CHRDL1: variants seen among roughly 807,000 people sequenced by gnomAD.
The protein encoded by CHRDL1 is chordin like 1.
In CHRDL1, 19 loss-of-function variants were observed where a neutral mutation model predicts 40.9. That is an observed-to-expected ratio of 0.46 (90% CI 0.32 to 0.68). CHRDL1 has a LOEUF of 0.68. Ranked by LOEUF, CHRDL1 falls within the 30% of genes least tolerant of loss-of-function variation. CHRDL1 has a pLI of 0.03. For missense variants in CHRDL1, 329 were observed against 352.1 expected (o/e 0.93, Z 0.53); for synonymous variants, 136 against 123.4 (o/e 1.10, Z -0.68).
chrX:110,686,202 A>G (rs974012717), intron 9 of CHRDL1, among the ~76,000 whole-genome samples: 2 of 111,501 alleles, frequency 1.8e-5, no homozygotes, highest in Non-Finnish European at 3.8e-5. Flanking sequence ...CGGCCACCAA[A>G]TGTTTTAATA....
intron 4 of CHRDL1, among the ~76,000 whole-genome samples, chrX:110,725,365 A>C (rs1416941417): frequency 1.8e-5 from 2 of 112,110 alleles, no homozygotes; most frequent in Non-Finnish European, 3.8e-5. Flanking sequence ...ACCTTTTGCA[A>C]TCAGATTTTG....
intron 11 of CHRDL1, among the ~76,000 whole-genome samples, chrX:110,677,999 AT>A (rs1569457859): frequency 9.0e-6 from 1 of 111,463 alleles, no homozygotes. Context: ...CGTCTCATTG[AT>A]TTAATATAGT....
intron 6 of CHRDL1, among the ~76,000 whole-genome samples, chrX:110,701,718 G>A (rs963846917): frequency 9.0e-6 from 1 of 111,398 alleles, no homozygotes; most frequent in Non-Finnish European, 1.9e-5. Flanking sequence ...GGAGGCTGAG[G>A]TAGAAGAACT....
At chrX:110,767,876 C>T (rs2089687151) in intron 2 of CHRDL1, among the ~76,000 whole-genome samples, 1 of 111,080 alleles carries the variant, frequency 9.0e-6, no homozygotes, top group African/African-American at 3.3e-5. Flanking sequence ...TTAGAAAAAA[C>T]AATTCTAAAA....
intron 4 of CHRDL1, among the ~76,000 whole-genome samples, chrX:110,756,267 G>A (rs1344013037): frequency 8.9e-6 from 1 of 111,928 alleles, no homozygotes. Context: ...AAATATAGAA[G>A]GAAAGTACAG....
intron 7 of CHRDL1, among the ~76,000 whole-genome samples, chrX:110,695,348 C>A (rs1466628658): frequency 1.8e-5 from 2 of 111,688 alleles, no homozygotes; most frequent in Non-Finnish European, 3.8e-5. Flanking sequence ...AGGTGTTCAT[C>A]AAATACTTGT....
chrX:110,740,525 A>G (rs950439809), intron 4 of CHRDL1, among the ~76,000 whole-genome samples: 3 of 112,602 alleles, frequency 2.7e-5, no homozygotes, highest in Non-Finnish European at 5.6e-5. Context: ...CCAACCTAAG[A>G]CAAAGAGGTA....
chrX:110,703,500 G>C (rs1419192488), intron 6 of CHRDL1, among the ~76,000 whole-genome samples: 1 of 111,791 alleles, frequency 8.9e-6, no homozygotes, highest in South Asian at 3.7e-4. Context: ...ATGCCCAAGA[G>C]TCAGTTAACA....
In CHRDL1 at chrX:110,679,368, G is replaced by C; in HGVS notation, c.1214C>G (p.Pro405Arg). The change falls in exon 11 of 12, where the codon CCT becomes CGT. Residue 405 changes from proline to arginine, a missense_variant. Transcript: ENST00000372042. ...KISKRMFEEL[P>R]HFKLVTRTTL... Reference sequence around the variant, plus strand: ...TGTTCTGGTCACCAGCTTGAAGTGAGGAAGCTCCTCAAACATCCTCTTGGA... The same window carrying C: ...TGTTCTGGTCACCAGCTTGAAGTGACGAAGCTCCTCAAACATCCTCTTGGA... The C allele has an allele frequency of 8.3e-7, 1 of 1,208,257 alleles. No homozygotes were observed. Among genetic ancestry groups the C allele is most frequent in the Middle Eastern group, 2.3e-4 (1 of 4,344 alleles).
chrX:110,675,563 C>T lies in CHRDL1; in HGVS notation c.*668G>A, dbSNP rs1195111173. 9.0e-6 allele frequency: 1 copy of T among 111,546 alleles called. No homozygotes were observed. Among genetic ancestry groups the T allele is most frequent in the African/African-American group, 3.3e-5 (1 of 30,715 alleles). 9.2% of individuals were successfully genotyped at this position (111,546 alleles called of 1,213,427 possible). ...CCTCTTGTTCACAGTTATTTACTCT[C>T]CTGGGCACAAAAACTTCCAAGCTAC... On this transcript the variant is annotated 3_prime_UTR_variant, in exon 12 of 12. Coordinates refer to ENST00000372042, the MANE Select transcript of CHRDL1 (RefSeq NM_001143981.2).
At chrX:110,688,939 G>A (rs2070085231) in intron 8 of CHRDL1, 136 bp from the exon 9 acceptor site, 7 of 478,571 alleles carry the variant, frequency 1.5e-5, no homozygotes, top group Non-Finnish European at 2.4e-5. Context: ...TATGTTTACC[G>A]AGTAGTATCT....
intron 2 of CHRDL1, among the ~76,000 whole-genome samples, chrX:110,764,688 C>G (rs2089629144): frequency 8.9e-6 from 1 of 111,795 alleles, no homozygotes; most frequent in Non-Finnish European, 1.9e-5. Flanking sequence ...CCATATTTTT[C>G]TTCTTGCAGA....
At chrX:110,678,472 C>T (rs2069826433) in intron 11 of CHRDL1, among the ~76,000 whole-genome samples, 1 of 110,788 alleles carries the variant, frequency 9.0e-6, no homozygotes, top group Admixed American at 9.6e-5. Flanking sequence ...TTCCTGTTTG[C>T]TCCTGTCTGA....
At chrX:110,681,741 C>T in intron 9 of CHRDL1, 92 bp from the exon 10 acceptor site, 1 of 632,182 alleles carries the variant, frequency 1.6e-6, no homozygotes, top group Non-Finnish European at 2.5e-6. Context: ...CATAACATCT[C>T]ACACTTATCA....
At position 110,675,951 on chromosome X, in the gene CHRDL1, A is replaced by G. The variant is rs1335553690; in HGVS notation, c.*280T>C. ...GGGTCTTGTTTGTCTTTAACCTGTA[A>G]AGAAATGTGATTCTCCAAGAAACTA... is the stretch of plus-strand genomic sequence containing the variant. On this transcript the variant is annotated 3_prime_UTR_variant, in exon 12 of 12. Coordinates refer to ENST00000372042, the MANE Select transcript of CHRDL1 (RefSeq NM_001143981.2). 1 of 220,312 alleles carries G rather than the reference A, an allele frequency of 4.5e-6. No individual in the cohort carries two copies. The highest frequency in any genetic ancestry group is 8.1e-6 in the Non-Finnish European group (1 of 123,265). 18.2% of individuals were successfully genotyped at this position (220,312 alleles called of 1,213,427 possible). A position where few individuals can be genotyped will look rare whatever the true frequency, so the allele number is the denominator to read the frequency against.
intron 9 of CHRDL1, among the ~76,000 whole-genome samples, chrX:110,683,735 G>T (rs769356831): frequency 1.8e-5 from 2 of 111,515 alleles, no homozygotes; most frequent in African/African-American, 3.3e-5. Flanking sequence ...TGTCTGTGAG[G>T]ACCATCTGAA....
intron 2 of CHRDL1, among the ~76,000 whole-genome samples, chrX:110,770,402 C>T (rs1260033197): frequency 3.6e-5 from 4 of 110,527 alleles, no homozygotes; most frequent in African/African-American, 1.3e-4. Context: ...TTTAGGGATT[C>T]AGCTAAAAAA....
intron 6 of CHRDL1, among the ~76,000 whole-genome samples, chrX:110,717,171 G>A (rs1447229280): frequency 9.0e-6 from 1 of 111,727 alleles, no homozygotes; most frequent in African/African-American, 3.3e-5. Context: ...GATGGGGTCT[G>A]CTTAAATGCA....
chrX:110,706,456 A>G (rs1016650710), intron 6 of CHRDL1, among the ~76,000 whole-genome samples: 13 of 112,026 alleles, frequency 1.2e-4, no homozygotes, highest in African/African-American at 3.9e-4. Context: ...TCTGAGTGGT[A>G]CCCTATGAAG....
Sources: gnomAD v4.1 joint callset for allele counts (sites outside exome capture counted in the v4.1 genomes callset) on GRCh38, gnomAD v4.1.1 for gene constraint, MANE v1.5 for transcripts, NCBI Gene and HGNC (gene_info 2026-07-23, HGNC 2026-07-21) for gene names.